The following DSCAM variants were observed in gnomAD, a reference collection of about 807,000 sequenced individuals.
DSCAM encodes the protein DS cell adhesion molecule.
A neutral mutation model predicts 217.7 loss-of-function variants in DSCAM; 47 were observed. That is an observed-to-expected ratio of 0.22 (90% CI 0.17 to 0.28). DSCAM has a LOEUF of 0.28. DSCAM is among the 10% of genes least tolerant of loss of function. DSCAM has a pLI of 1.00. For missense variants in DSCAM, 2,080 were observed against 2,618.3 expected, an observed-to-expected ratio of 0.79 and a Z score of 4.49; for synonymous variants, 1,056 against 1,015.3, an observed-to-expected ratio of 1.04 and a Z score of -0.76.
intron 20 of DSCAM, among the ~76,000 whole-genome samples, chr21:40,116,773 C>T (rs901215848): frequency 4.0e-5 from 6 of 151,078 alleles, no homozygotes; most frequent in Admixed American, 6.6e-5. Context: ...GAGGCCGAGG[C>T]GGGCGGATCA....
intron 3 of DSCAM, among the ~76,000 whole-genome samples, chr21:40,667,374 T>C (rs1215021898): frequency 6.6e-6 from 1 of 152,188 alleles, no homozygotes; most frequent in African/African-American, 2.4e-5. Context: ...CAGCGAGTCA[T>C]TTTTAAGGCT....
chr21:40,516,260 A>C (rs1310474224), intron 3 of DSCAM, among the ~76,000 whole-genome samples: 1 of 152,142 alleles, frequency 6.6e-6, no homozygotes, highest in African/African-American at 2.4e-5. Flanking sequence ...ACTCTAAACT[A>C]TGTAATTATA....
intron 32 of DSCAM, among the ~76,000 whole-genome samples, chr21:40,041,829 A>C (rs1458860978): frequency 6.6e-6 from 1 of 152,142 alleles, no homozygotes; most frequent in Non-Finnish European, 1.5e-5. Flanking sequence ...GCAGTTTTAA[A>C]ATACAGCCCT....
At chr21:40,317,533 T>C (rs113348880) in intron 8 of DSCAM, among the ~76,000 whole-genome samples, 56 of 152,224 alleles carry the variant, frequency 3.7e-4, no homozygotes, top group African/African-American at 1.2e-3. Flanking sequence ...TTCTTTTCTT[T>C]CTTTTTCTTT....
chr21:40,369,245 C>A lies in DSCAM; in HGVS notation c.509G>T (p.Gly170Val). The stretch of plus-strand genomic sequence containing the variant: ...CGTGGATGTGATGAGAAATCTAGAT[C>A]CTGAAATAGAGGAAAACAGTGGCTT... ...WEKDTVSLVS[G>V]SRFLITSTGA... Residue 170 changes from glycine (G) to valine (V), a missense_variant and splice_region_variant, in exon 4 of 33, where the codon GGA (glycine) becomes GTA (valine). Transcript: ENST00000400454. The A allele has an allele frequency of 6.2e-7, 1 of 1,606,200 alleles. No individual in the cohort carries two copies. Among genetic ancestry groups the A allele is most frequent in the South Asian group, 1.1e-5 (1 of 89,114 alleles).
chr21:40,080,792 C>T (rs2089444170), intron 24 of DSCAM, among the ~76,000 whole-genome samples: 2 of 152,200 alleles, frequency 1.3e-5, no homozygotes, highest in Admixed American at 1.3e-4. Context: ...CTCATGTACT[C>T]CTGGTCTCAC....
At chr21:40,260,214 C>T (rs888072318) in intron 11 of DSCAM, among the ~76,000 whole-genome samples, 3 of 152,138 alleles carry the variant, frequency 2.0e-5, no homozygotes, top group East Asian at 1.9e-4. Flanking sequence ...GACTGTACAC[C>T]TCTGTAATGT....
At chr21:40,640,708 T>G (rs1025248016) in intron 3 of DSCAM, among the ~76,000 whole-genome samples, 3 of 152,256 alleles carry the variant, frequency 2.0e-5, no homozygotes, top group South Asian at 2.1e-4. Context: ...ACATGCCATC[T>G]GCATAGGGCT....
intron 32 of DSCAM, among the ~76,000 whole-genome samples, chr21:40,031,309 T>C (rs1003805482): frequency 6.6e-6 from 1 of 152,028 alleles, no homozygotes; most frequent in South Asian, 2.1e-4. Context: ...GCTCTACAGA[T>C]GACAAGAAAG....
At chr21:40,332,418 T>C (rs1264328926) in intron 8 of DSCAM, among the ~76,000 whole-genome samples, 1 of 152,190 alleles carries the variant, frequency 6.6e-6, no homozygotes, top group Non-Finnish European at 1.5e-5. Flanking sequence ...TTATCTACGT[T>C]ACAGAGTCAC....
At chr21:40,308,652 T>C (rs1207593293) in intron 9 of DSCAM, among the ~76,000 whole-genome samples, 2 of 152,178 alleles carry the variant, frequency 1.3e-5, no homozygotes, top group Admixed American at 1.3e-4. Flanking sequence ...CTGCACTCTC[T>C]GTCATGTGCA....
intron 11 of DSCAM, among the ~76,000 whole-genome samples, chr21:40,263,770 G>C (rs1020972282): frequency 6.6e-6 from 1 of 151,994 alleles, no homozygotes; most frequent in African/African-American, 2.4e-5. Flanking sequence ...CAACAAGGAG[G>C]TTATTTGAAA....
At chr21:40,077,325 C>T (rs554805715) in intron 26 of DSCAM, among the ~76,000 whole-genome samples, 23 of 152,150 alleles carry the variant, frequency 1.5e-4, no homozygotes, top group Non-Finnish European at 3.1e-4. Flanking sequence ...GAAAAATGAC[C>T]TTGGACAGGA....
intron 3 of DSCAM, among the ~76,000 whole-genome samples, chr21:40,626,624 C>G (rs2089604861): frequency 1.3e-5 from 2 of 152,212 alleles, no homozygotes; most frequent in South Asian, 4.1e-4. Flanking sequence ...GCCATGCTGT[C>G]TTTTTGCATT....
intron 10 of DSCAM, 66 bp from the exon 11 acceptor site, chr21:40,276,336 C>T: frequency 7.0e-7 from 1 of 1,435,784 alleles, no homozygotes; most frequent in South Asian, 1.4e-5. Context: ...ACAACGAGTT[C>T]AAGTACACAC....
chr21:40,289,352 G>T (rs1297489981), intron 10 of DSCAM, among the ~76,000 whole-genome samples: 1 of 152,152 alleles, frequency 6.6e-6, no homozygotes, highest in East Asian at 1.9e-4. Context: ...GTGGGTGTGG[G>T]TGGCACTTCC....
intron 1 of DSCAM, among the ~76,000 whole-genome samples, chr21:40,723,173 T>G (rs1338776967): frequency 6.6e-6 from 1 of 151,988 alleles, no homozygotes; most frequent in Non-Finnish European, 1.5e-5. Context: ...TTCTTGAATG[T>G]TGGAGGTTAA....
intron 3 of DSCAM, among the ~76,000 whole-genome samples, chr21:40,463,911 CCT>C (rs1318790718): frequency 6.6e-6 from 1 of 152,042 alleles, no homozygotes; most frequent in African/African-American, 2.4e-5. Context: ...TTCTGAAATT[CCT>C]CTCTTTTCTT....
At chr21:40,802,678 A>G (rs943491174) in intron 1 of DSCAM, among the ~76,000 whole-genome samples, 1 of 152,156 alleles carries the variant, frequency 6.6e-6, no homozygotes, top group Non-Finnish European at 1.5e-5. Flanking sequence ...TCGTAACAGG[A>G]GAAAGAGAGA....
Sources: allele counts gnomAD v4.1 joint callset (sites outside exome capture counted in the v4.1 genomes callset), GRCh38; gene constraint gnomAD v4.1.1; transcripts MANE v1.5; gene names NCBI Gene and HGNC (gene_info 2026-07-23, HGNC 2026-07-21).